LUZP2: variants seen among roughly 807,000 people sequenced by gnomAD.
LUZP2 encodes the protein leucine zipper protein 2.
LUZP2 carries 52 observed loss-of-function variants against 51.6 expected under a neutral mutation model. The ratio of observed to expected loss-of-function variants is 1.01; its 90% CI spans 0.81 to 1.27. The LOEUF (loss-of-function observed/expected upper bound fraction) is 1.27. Ranked by LOEUF, LUZP2 falls within the 50% of genes most tolerant of loss-of-function variation. The pLI, the probability that LUZP2 is intolerant of heterozygous loss-of-function variation, is 0.00. For missense variants in LUZP2, 436 were observed against 395.4 expected, an observed-to-expected ratio of 1.10 and a Z score of -0.87; for synonymous variants, 154 against 137.3, an observed-to-expected ratio of 1.12 and a Z score of -0.85.
chr11:24,681,861 C>G (rs1856747301), intron 1 of LUZP2, among the ~76,000 whole-genome samples: 2 of 151,974 alleles, frequency 1.3e-5, no homozygotes, highest in South Asian at 4.1e-4. Context: ...GGCATTTTTC[C>G]AGGAATAAAT....
At chr11:24,607,824 A>ATT (rs1233213738) in intron 1 of LUZP2, among the ~76,000 whole-genome samples, 5 of 118,978 alleles carry the variant, frequency 4.2e-5, no homozygotes, top group Non-Finnish European at 6.8e-5. Context: ...ATCTATCTCT[A>ATT]TTTTATTTTT....
At chr11:24,922,850 T>C (rs1854107259) in intron 7 of LUZP2, among the ~76,000 whole-genome samples, 2 of 121,580 alleles carry the variant, frequency 1.6e-5, no homozygotes, top group Non-Finnish European at 3.2e-5. Context: ...TTTTTTTTTT[T>C]TTTTTTTTTT....
At chr11:24,840,756 G>A (rs529976924) in intron 5 of LUZP2, among the ~76,000 whole-genome samples, 5 of 151,972 alleles carry the variant, frequency 3.3e-5, no homozygotes, top group Non-Finnish European at 7.4e-5. Context: ...AATACAGAAA[G>A]CATGTCTCCA....
chr11:24,581,746 C>T (rs1852864646), intron 1 of LUZP2, among the ~76,000 whole-genome samples: 1 of 149,538 alleles, frequency 6.7e-6, no homozygotes, highest in Admixed American at 6.7e-5. Context: ...TGCTAACCTT[C>T]ATTGAGGATT....
chr11:24,914,873 A>G (rs1853746983), intron 7 of LUZP2, among the ~76,000 whole-genome samples: 1 of 152,100 alleles, frequency 6.6e-6, no homozygotes, highest in African/African-American at 2.4e-5. Flanking sequence ...GAATCTTTTA[A>G]ATTTATTTTT....
At chr11:24,775,715 A>T (rs1306002835) in intron 5 of LUZP2, among the ~76,000 whole-genome samples, 1 of 152,108 alleles carries the variant, frequency 6.6e-6, no homozygotes, top group African/African-American at 2.4e-5. Flanking sequence ...AGTTGAAACC[A>T]TGCTCCTTAT....
intron 1 of LUZP2, among the ~76,000 whole-genome samples, chr11:24,653,322 G>C (rs1284157359): frequency 6.6e-6 from 1 of 152,130 alleles, no homozygotes; most frequent in Non-Finnish European, 1.5e-5. Context: ...TAAGTCACAG[G>C]AAACCATAAG....
At chr11:24,812,411 T>A (rs1850048844) in intron 5 of LUZP2, among the ~76,000 whole-genome samples, 1 of 152,162 alleles carries the variant, frequency 6.6e-6, no homozygotes, top group Non-Finnish European at 1.5e-5. Context: ...TACTAGTAAA[T>A]ACATATTCTA....
chr11:24,964,210 T>C (rs1410158039), intron 7 of LUZP2, among the ~76,000 whole-genome samples: 2 of 152,174 alleles, frequency 1.3e-5, no homozygotes, highest in African/African-American at 2.4e-5. Flanking sequence ...CTCTTAGGAT[T>C]AATGAGAATA....
At chr11:24,674,774 T>C (rs1856494733) in intron 1 of LUZP2, among the ~76,000 whole-genome samples, 1 of 152,154 alleles carries the variant, frequency 6.6e-6, no homozygotes, top group Non-Finnish European at 1.5e-5. Context: ...TTTCTCCCTC[T>C]CCTGCCTGCT....
At chr11:24,686,628 T>A (rs1435098510) in intron 1 of LUZP2, among the ~76,000 whole-genome samples, 1 of 152,164 alleles carries the variant, frequency 6.6e-6, no homozygotes, top group Non-Finnish European at 1.5e-5. Flanking sequence ...GCTTCACATC[T>A]GTTATTTATA....
At chr11:25,017,558 A>C (rs1185077009) in intron 9 of LUZP2, among the ~76,000 whole-genome samples, 1 of 152,096 alleles carries the variant, frequency 6.6e-6, no homozygotes, top group African/African-American at 2.4e-5. Context: ...GTCGAAGATT[A>C]GTTTGTTTTA....
intron 9 of LUZP2, among the ~76,000 whole-genome samples, chr11:25,024,955 C>T (rs1326525073): frequency 1.3e-5 from 2 of 150,914 alleles, no homozygotes; most frequent in Non-Finnish European, 3.0e-5. Flanking sequence ...GAGATATAGA[C>T]CAATGGAACA....
chr11:24,531,897 A>G (rs1851012446), intron 1 of LUZP2, among the ~76,000 whole-genome samples: 1 of 150,908 alleles, frequency 6.6e-6, no homozygotes, highest in Admixed American at 6.6e-5. Context: ...TTTAATCCGT[A>G]AGTAAATCTC....
intron 9 of LUZP2, among the ~76,000 whole-genome samples, chr11:25,026,427 A>G (rs188153783): frequency 6.6e-6 from 1 of 152,328 alleles, no homozygotes; most frequent in Admixed American, 6.5e-5. Context: ...ATAAATTATT[A>G]GATTGTGAAT....
At chr11:24,937,274 G>T (rs1854611942) in intron 7 of LUZP2, among the ~76,000 whole-genome samples, 1 of 152,028 alleles carries the variant, frequency 6.6e-6, no homozygotes, top group South Asian at 2.1e-4. Flanking sequence ...GCTTGATGTG[G>T]TAAAAATAAA....
intron 1 of LUZP2, among the ~76,000 whole-genome samples, chr11:24,618,931 G>A (rs1225811207): frequency 1.3e-5 from 2 of 151,996 alleles, no homozygotes; most frequent in African/African-American, 2.4e-5. Flanking sequence ...TTGCCATCAT[G>A]CTTCAGCTAG....
intron 5 of LUZP2, among the ~76,000 whole-genome samples, chr11:24,871,452 C>CA (rs1298313557): frequency 6.6e-6 from 1 of 152,076 alleles, no homozygotes; most frequent in Non-Finnish European, 1.5e-5. Flanking sequence ...TTCCAGAAAT[C>CA]ACTCTTCTGT....
chr11:25,047,372 T>TC (rs201058734), intron 9 of LUZP2, among the ~76,000 whole-genome samples: 3,022 of 31,288 alleles, frequency 0.097, 53 homozygotes, highest in South Asian at 0.31. Context: ...AATTTTCTTT[T>TC]TTTTATTTTT....
Sources: allele counts gnomAD v4.1 joint callset (sites outside exome capture counted in the v4.1 genomes callset), GRCh38; gene constraint gnomAD v4.1.1; transcripts MANE v1.5; gene names NCBI Gene and HGNC (gene_info 2026-07-23, HGNC 2026-07-21).